Variants in MYH6 observed in about 807,000 individuals in gnomAD.
MYH6 encodes the protein myosin-6.
In MYH6, 126 loss-of-function variants were observed where a neutral mutation model predicts 223.2. The observed-to-expected ratio is 0.56, with a 90% CI of 0.49 to 0.65. The LOEUF (loss-of-function observed/expected upper bound fraction) is 0.65, where lower values mean the gene tolerates loss of function less well. MYH6 is among the 30% of genes least tolerant of loss of function. The pLI is 0.00. For synonymous variants in MYH6, 978 were observed against 1,010.2 expected, an observed-to-expected ratio of 0.97 and a Z score of 0.61; for missense variants, 2,040 against 2,536.4, an observed-to-expected ratio of 0.80 and a Z score of 4.20.
intron 30 of MYH6, 75 bp from the exon 31 acceptor site, chr14:23,387,998 C>A: frequency 2.5e-6 from 4 of 1,606,060 alleles, no homozygotes; most frequent in African/African-American, 1.3e-5. Context: ...AGTGCCCCAG[C>A]CCCCAGCCTC....
In MYH6 at chr14:23,405,558, G is replaced by A; in HGVS notation, c.345+69C>T. Reference sequence around the variant, plus strand: ...GGAGTCTCTCCCCCTCTTCTTGGGAGAGCCCCCCTGGCTTATTTAGGCCTC... The same window carrying A: ...GGAGTCTCTCCCCCTCTTCTTGGGAAAGCCCCCCTGGCTTATTTAGGCCTC... On this transcript the variant is annotated intron_variant, in intron 4 of 38. Coordinates refer to ENST00000405093, the MANE Select transcript of MYH6 (RefSeq NM_002471.4). The surrounding 1 kb of genome is among the most constrained non-coding windows in gnomAD (Gnocchi z 4.7). The A allele has an allele frequency of 6.2e-7, 1 of 1,610,000 alleles. No homozygotes were observed. The highest frequency in any genetic ancestry group is 8.5e-7 in the Non-Finnish European group (1 of 1,177,716).
rs200918670 is a variant in MYH6 at position 23,387,619 on chromosome 14, T to C, written c.4560A>G (p.Glu1520=). ...EISDLTEQLG[E]GGKNVHELEK... is the part of the protein sequence containing the mutation. ...CCAGCTCATGCACATTCTTTCCTCC[T>C]TCTCCTAGCTGCTCAGTAAGGTCCG... The change falls in exon 32 of 39, where the codon GAA becomes GAG. Residue 1520 remains glutamate, a synonymous_variant. Coordinates refer to ENST00000405093, the MANE Select transcript of MYH6 (RefSeq NM_002471.4). 54 of 1,614,070 alleles carry C rather than the reference T, an allele frequency of 3.3e-5. No individual in the cohort carries two copies. The African/African-American group carries it at 5.7e-4, about 17-fold the overall frequency.
At chr14:23,385,644 GCTGT>G (rs1890996552) in intron 34 of MYH6, among the ~76,000 whole-genome samples, 1 of 152,054 alleles carries the variant, frequency 6.6e-6, no homozygotes, top group Non-Finnish European at 1.5e-5. Flanking sequence ...CAAGCCGGAG[GCTGT>G]CTTTCAGATC....
At chr14:23,389,853 G>A in intron 26 of MYH6, 134 bp from the exon 27 acceptor site, 1 of 1,536,550 alleles carries the variant, frequency 6.5e-7, no homozygotes, top group Middle Eastern at 1.8e-4. Context: ...GCAGTCTGAA[G>A]AGAGACTTGA....
Position 23,386,035 on chromosome 14 carries a change from C to T in MYH6, c.5056G>A (p.Glu1686Lys). 1.9e-6 allele frequency: 3 copies of T among 1,614,232 alleles called. No homozygotes were observed. Among genetic ancestry groups the T allele is most frequent in the Non-Finnish European group, 2.5e-6 (3 of 1,180,048 alleles). Residue 1686 changes from glutamate to lysine, a missense_variant, in exon 34 of 39, where the codon GAG becomes AAG. Physicochemically the swap from Glu to Lys is moderately conservative, Grantham distance 56. Around this residue, in one of 4 missense-constraint regions of MYH6, gnomAD observed 1,203 missense variants for 1,400.2 expected, o/e 0.86. Transcript: ENST00000405093. ...ACCACGGCACGCAGCTCCTCCAGCT[C>T]AGCCTGCAGCAGGTTGTTGCGCCGC... Reference protein sequence around the residue: ...VERRNNLLQAELEELRAVVEQ... With the variant: ...VERRNNLLQAKLEELRAVVEQ...
Position 23,389,425 on chromosome 14 carries a change from C to T in MYH6, c.3946G>A (p.Asp1316Asn). Residue 1316 changes from aspartate (D) to asparagine (N), a missense_variant, in exon 28 of 39, where the codon GAC (aspartate) becomes AAC (asparagine). By Grantham distance (23) the Asp-to-Asn change is conservative. This residue lies in a region of MYH6 where 1,203 missense variants were observed against 1,400.2 expected (regional missense o/e 0.86). Transcript: ENST00000405093. The part of the protein sequence containing the change: ...GKLSYTQQME[D>N]LKRQLEEEGK... ...TCCTCCTCCAGCTGCCTTTTGAGGT[C>T]CTCCATTTGCTGGGTATAAGAGAGC... The T allele has an allele frequency of 1.2e-6, 2 of 1,614,158 alleles. No homozygotes were observed. Among genetic ancestry groups the T allele is most frequent in the Non-Finnish European group, 1.7e-6 (2 of 1,180,032 alleles).
chr14:23,394,475 A>G, intron 20 of MYH6, 152 bp from the exon 21 acceptor site: 1 of 1,088,564 alleles, frequency 9.2e-7, no homozygotes, highest in Non-Finnish European at 1.3e-6. Context: ...TGCTTGATAA[A>G]TATTTATTAA....
intron 37 of MYH6, 110 bp downstream of exon 37, chr14:23,383,115 G>T: frequency 9.7e-7 from 1 of 1,026,528 alleles, no homozygotes; most frequent in Non-Finnish European, 1.5e-6. Context: ...ATGTTTGAGA[G>T]TTAAAGTTTA....
intron 8 of MYH6, 63 bp from the exon 9 acceptor site, chr14:23,403,841 C>T: frequency 1.4e-6 from 2 of 1,412,772 alleles, no homozygotes; most frequent in Non-Finnish European, 2.0e-6. Context: ...TCCTGGCCCT[C>T]TGTTCAGCCC....
At chr14:23,383,179 A>T in intron 37 of MYH6, 46 bp downstream of exon 37, 5 of 1,503,232 alleles carry the variant, frequency 3.3e-6, no homozygotes, top group Non-Finnish European at 2.8e-6. Flanking sequence ...GGTTCTCACA[A>T]ATAGTAGGTG....
At chr14:23,389,859 C>T in intron 26 of MYH6, 140 bp from the exon 27 acceptor site, 2 of 1,529,902 alleles carry the variant, frequency 1.3e-6, no homozygotes, top group Non-Finnish European at 1.8e-6. Flanking sequence ...TGAAGAGAGA[C>T]TTGAATTAAA....
rs727505211 is a variant in MYH6 at position 23,390,407 on chromosome 14, G to A, written c.3382C>T (p.Arg1128Cys). 3.1e-6 allele frequency: 5 copies of A among 1,611,090 alleles called. No individual in the cohort carries two copies. Among genetic ancestry groups the A allele is most frequent in the South Asian group, 2.2e-5 (2 of 90,934 alleles). ...TTCTCCACCTTAGCCCTGGCGGTGC[G>A]CTCGGCCTCCAGCTCCTCCTCCAGC... ...EELEEELEAE[R>C]TARAKVEKLR... is the part of the protein sequence containing the mutation. Residue 1128 changes from arginine to cysteine, a missense_variant, in exon 26 of 39, where the codon CGC becomes TGC. Physicochemically the swap from Arg to Cys is radical, Grantham distance 180. Transcript: ENST00000405093.
At chr14:23,390,496 G>T in intron 25 of MYH6, 50 bp from the exon 26 acceptor site, 5 of 1,596,140 alleles carry the variant, frequency 3.1e-6, no homozygotes, top group Non-Finnish European at 4.3e-6. Flanking sequence ...CCCTCCACTG[G>T]AATCCCCCCG....
chr14:23,396,925 C>T (rs757826365), intron 18 of MYH6, 38 bp downstream of exon 18: 1 of 1,612,470 alleles, frequency 6.2e-7, no homozygotes, highest in Non-Finnish European at 8.5e-7. Context: ...AGCCTGGCTC[C>T]CCCTGTTCTA....
At chr14:23,384,390 G>T (rs1186498663) in intron 36 of MYH6, 52 bp downstream of exon 36, 4 of 1,602,846 alleles carry the variant, frequency 2.5e-6, no homozygotes, top group Non-Finnish European at 3.4e-6. Context: ...GGGGCAGTGG[G>T]GCCAGAGAAG....
At chr14:23,399,987 A>G in intron 14 of MYH6, 1 of 527,100 alleles carries the variant, frequency 1.9e-6, no homozygotes. Flanking sequence ...ATGGGCGGTC[A>G]GAGGGGCCAG....
intron 29 of MYH6, 166 bp downstream of exon 29, chr14:23,388,693 G>A (rs1429566807): frequency 8.6e-7 from 1 of 1,166,942 alleles, no homozygotes; most frequent in Non-Finnish European, 1.3e-6. Flanking sequence ...GCCAGCCAGA[G>A]TTCACAGAGC....
rs769882663 is a variant in MYH6 at position 23,405,393 on chromosome 14, C to A, written c.346-14G>T. Reference sequence around the variant, plus strand: ...GCCCGAGTAGGTCTGGAGCAGGAGACAAGGCTGGGCATGAGGTTGGTGGGG... The same window carrying A: ...GCCCGAGTAGGTCTGGAGCAGGAGAAAAGGCTGGGCATGAGGTTGGTGGGG... On this transcript the variant is annotated splice_polypyrimidine_tract_variant and intron_variant, in intron 4 of 38. Coordinates refer to ENST00000405093, the MANE Select transcript of MYH6 (RefSeq NM_002471.4). The surrounding 1 kb of genome is among the most constrained non-coding windows in gnomAD (Gnocchi z 4.7). 6.2e-7 allele frequency: 1 copy of A among 1,614,054 alleles called. No homozygotes were observed. The highest frequency in any genetic ancestry group is 8.5e-7 in the Non-Finnish European group (1 of 1,179,942).
intron 32 of MYH6, 85 bp downstream of exon 32, chr14:23,387,444 T>G: frequency 6.3e-7 from 1 of 1,594,650 alleles, no homozygotes; most frequent in Non-Finnish European, 8.5e-7. Flanking sequence ...GATTTTGTCC[T>G]GGGGTCAGGG....
Sources: allele counts gnomAD v4.1 joint callset (sites outside exome capture counted in the v4.1 genomes callset), GRCh38; gene constraint gnomAD v4.1.1; regional missense constraint gnomAD v4.1.1; non-coding constraint Gnocchi (gnomAD v3.1); transcripts MANE v1.5; gene names NCBI Gene and HGNC (gene_info 2026-07-23, HGNC 2026-07-21).